NAV3: variants seen among roughly 807,000 people sequenced by gnomAD.
NAV3 encodes pore membrane and/or filament interacting like protein 1.
A neutral mutation model predicts 244.7 loss-of-function variants in NAV3; 87 were observed. The ratio of observed to expected loss-of-function variants is 0.36; its 90% CI spans 0.30 to 0.42. NAV3 has a LOEUF of 0.42. Among genes scored for constraint, NAV3 ranks in the 20% least tolerant of loss-of-function variants. NAV3 has a pLI of 1.00. For missense variants in NAV3, 2,663 were observed against 2,893.3 expected (o/e 0.92, Z 1.83); for synonymous variants, 1,126 against 1,042.2 (o/e 1.08, Z -1.55).
intron 1 of NAV3, among the ~76,000 whole-genome samples, chr12:77,907,237 G>A (rs1886084331): frequency 6.6e-6 from 1 of 152,156 alleles, no homozygotes; most frequent in South Asian, 2.1e-4. Flanking sequence ...GTGTACAAGG[G>A]CCTAGCATCA....
chr12:77,934,212 G>A (rs1425307977), intron 1 of NAV3, among the ~76,000 whole-genome samples: 1 of 152,022 alleles, frequency 6.6e-6, no homozygotes, highest in African/African-American at 2.4e-5. Context: ...ACCCACCAAG[G>A]CTGCTGTCTG....
At chr12:78,190,847 G>A (rs199846842) in intron 34 of NAV3, among the ~76,000 whole-genome samples, 7 of 152,078 alleles carry the variant, frequency 4.6e-5, no homozygotes, top group African/African-American at 1.4e-4. Context: ...CCTATACGGC[G>A]TAGCCTGTAC....
At chr12:78,020,668 A>T (rs1422902952) in intron 8 of NAV3, among the ~76,000 whole-genome samples, 1 of 152,182 alleles carries the variant, frequency 6.6e-6, no homozygotes, top group African/African-American at 2.4e-5. Flanking sequence ...ACTATTTCTA[A>T]TATCAATGAT....
intron 1 of NAV3, among the ~76,000 whole-genome samples, chr12:77,891,307 G>A (rs1883910876): frequency 6.7e-6 from 1 of 148,424 alleles, no homozygotes; most frequent in Non-Finnish European, 1.5e-5. Context: ...AATTTATAAA[G>A]ATAAATTTAT....
chr12:77,786,100 G>T (rs1375937557), intron 2 of NAV3, among the ~76,000 whole-genome samples: 1 of 152,064 alleles, frequency 6.6e-6, no homozygotes, highest in Non-Finnish European at 1.5e-5. Flanking sequence ...AATCCTTGCA[G>T]TTAAGATTTT....
intron 2 of NAV3, among the ~76,000 whole-genome samples, chr12:77,782,018 A>G (rs1870687108): frequency 6.6e-6 from 1 of 152,200 alleles, no homozygotes; most frequent in Non-Finnish European, 1.5e-5. Flanking sequence ...GCAGGAGGAG[A>G]TCACTTGAAG....
At chr12:77,990,223 C>T (rs762497296) in intron 5 of NAV3, among the ~76,000 whole-genome samples, 1 of 152,110 alleles carries the variant, frequency 6.6e-6, no homozygotes, top group Non-Finnish European at 1.5e-5. Flanking sequence ...GGAGATCAGT[C>T]TCAAATTCAC....
In NAV3 at chr12:78,210,341, T is replaced by G. The variant is rs571611034; in HGVS notation, c.7039-57T>G. On this transcript the variant is annotated intron_variant, in intron 39 of 39. Coordinates refer to ENST00000397909, the MANE Select transcript of NAV3 (RefSeq NM_001024383.2). ...GTGTGGCTCAGGGCCTTGTTTTTTA[T>G]GGGCTGGCTTACTCAATGCATCATT... 3 of 1,606,228 alleles carry G rather than the reference T, an allele frequency of 1.9e-6. No individual in the cohort carries two copies. The Admixed American group carries it at 5.1e-5, about 27-fold the overall frequency.
At chr12:77,617,175 T>C (rs1871173539) in intron 2 of NAV3, among the ~76,000 whole-genome samples, 1 of 152,180 alleles carries the variant, frequency 6.6e-6, no homozygotes, top group Non-Finnish European at 1.5e-5. Context: ...AATTTTTAAA[T>C]TTTGGTAAAT....
At chr12:77,976,953 G>A (rs1868555546) in intron 5 of NAV3, among the ~76,000 whole-genome samples, 1 of 152,032 alleles carries the variant, frequency 6.6e-6, no homozygotes, top group African/African-American at 2.4e-5. Flanking sequence ...GGGATTACAG[G>A]CGTGAGCCAC....
At chr12:77,820,030 T>C (rs1204043327) in intron 2 of NAV3, among the ~76,000 whole-genome samples, 1 of 151,900 alleles carries the variant, frequency 6.6e-6, no homozygotes, top group Admixed American at 6.6e-5. Flanking sequence ...CTAAGAAAAA[T>C]GATTGGCTAA....
intron 2 of NAV3, among the ~76,000 whole-genome samples, chr12:77,639,050 A>C (rs115099596): frequency 0.01 from 1,555 of 152,286 alleles, 17 homozygotes; most frequent in Middle Eastern, 0.034. Flanking sequence ...TGACAATTAG[A>C]GATGGGCACA....
chr12:78,199,058 T>C (rs1959326216), intron 36 of NAV3: 1 of 572,920 alleles, frequency 1.7e-6, no homozygotes. Flanking sequence ...TTTGTGATTC[T>C]CCTACAGAAG....
chr12:77,767,075 A>G (rs1026640340), intron 2 of NAV3, among the ~76,000 whole-genome samples: 2 of 152,056 alleles, frequency 1.3e-5, no homozygotes, highest in African/African-American at 2.4e-5. Flanking sequence ...CAAGGGAAAA[A>G]TGACTATTAA....
intron 1 of NAV3, among the ~76,000 whole-genome samples, chr12:77,850,015 G>T (rs114286142): frequency 6.6e-6 from 1 of 152,070 alleles, no homozygotes; most frequent in Non-Finnish European, 1.5e-5. Flanking sequence ...AAAATTCTAC[G>T]CCCGTGTCCT....
chr12:77,924,188 C>A (rs1229336833), intron 1 of NAV3, among the ~76,000 whole-genome samples: 1 of 152,148 alleles, frequency 6.6e-6, no homozygotes, highest in East Asian at 1.9e-4. Flanking sequence ...CTAATGAAAA[C>A]ACACATTTTC....
intron 1 of NAV3, among the ~76,000 whole-genome samples, chr12:77,928,348 G>A (rs1017166256): frequency 6.6e-6 from 1 of 151,906 alleles, no homozygotes; most frequent in Admixed American, 6.6e-5. Context: ...AATGAATGCC[G>A]AGGGGTTCTC....
intron 1 of NAV3, among the ~76,000 whole-genome samples, chr12:77,865,798 CGT>C (rs35804861): frequency 2.0e-5 from 3 of 149,134 alleles, no homozygotes; most frequent in East Asian, 2.0e-4. Context: ...CGTATATATG[CGT>C]GTGTGTGTGT....
chr12:78,155,870 T>C (rs1033312328), intron 22 of NAV3, among the ~76,000 whole-genome samples: 1 of 152,176 alleles, frequency 6.6e-6, no homozygotes, highest in Non-Finnish European at 1.5e-5. Flanking sequence ...TGCGCATTTG[T>C]TGAAGTTCCT....
Sources: gnomAD v4.1 joint callset for allele counts (sites outside exome capture counted in the v4.1 genomes callset) on GRCh38, gnomAD v4.1.1 for gene constraint, MANE v1.5 for transcripts, NCBI Gene and HGNC (gene_info 2026-07-23, HGNC 2026-07-21) for gene names.